Variants in PLCB1 observed in about 807,000 individuals in gnomAD.
The protein encoded by PLCB1 is phospholipase C beta 1, also known as 1-phosphatidylinositol 4,5-bisphosphate phosphodiesterase beta-1.
Under a neutral mutation model 161.8 loss-of-function variants are expected in PLCB1, and 46 were observed. The ratio of observed to expected loss-of-function variants is 0.28; its 90% confidence interval spans 0.22 to 0.36. PLCB1 has a LOEUF of 0.36. Among genes scored for constraint, PLCB1 ranks in the 10% least tolerant of loss-of-function variants. PLCB1 has a pLI of 1.00. For missense variants in PLCB1, 1,016 were observed against 1,472.5 expected (o/e 0.69, Z 5.07); for synonymous variants, 517 against 503.7 (o/e 1.03, Z -0.35).
chr20:8,155,889 C>T (rs148926960), intron 2 of PLCB1, among the ~76,000 whole-genome samples: 5 of 152,312 alleles, frequency 3.3e-5, no homozygotes, highest in East Asian at 1.9e-4. Context: ...GCAAAATTCA[C>T]GTGAGGATTG....
At chr20:8,641,460 A>G (rs537452710) in intron 4 of PLCB1, among the ~76,000 whole-genome samples, 77 of 152,386 alleles carry the variant, frequency 5.1e-4, no homozygotes, top group African/African-American at 1.8e-3. Flanking sequence ...AGGCAGAACT[A>G]TGAGATCCCA....
At chr20:8,218,229 T>C (rs961636237) in intron 2 of PLCB1, among the ~76,000 whole-genome samples, 13 of 152,150 alleles carry the variant, frequency 8.5e-5, no homozygotes, top group Non-Finnish European at 1.5e-4. Flanking sequence ...GTATGGTTTC[T>C]AAAAGGGCAG....
chr20:8,440,452 TG>T (rs1367712945), intron 3 of PLCB1, among the ~76,000 whole-genome samples: 2 of 152,176 alleles, frequency 1.3e-5, no homozygotes, highest in African/African-American at 4.8e-5. Context: ...GGGTCCCCAG[TG>T]ATTCCCTGTG....
intron 4 of PLCB1, 194 bp downstream of exon 4, chr20:8,628,625 G>A (rs777594843): frequency 2.0e-5 from 12 of 587,642 alleles, no homozygotes; most frequent in Middle Eastern, 4.7e-4. Flanking sequence ...GAATTATGGA[G>A]ATTTTTTTCA....
At chr20:8,556,901 A>C (rs1197716850) in intron 3 of PLCB1, among the ~76,000 whole-genome samples, 1 of 151,524 alleles carries the variant, frequency 6.6e-6, no homozygotes, top group Non-Finnish European at 1.5e-5. Context: ...AACATCAGTA[A>C]TCCCTCAGGA....
intron 31 of PLCB1, among the ~76,000 whole-genome samples, chr20:8,804,020 C>T (rs1251721168): frequency 4.6e-5 from 7 of 151,932 alleles, no homozygotes; most frequent in South Asian, 2.1e-4. Flanking sequence ...CTCTAACTCC[C>T]GACCTCAGGT....
chr20:8,241,636 C>A (rs1342529980), intron 2 of PLCB1, among the ~76,000 whole-genome samples: 1 of 151,926 alleles, frequency 6.6e-6, no homozygotes, highest in Non-Finnish European at 1.5e-5. Context: ...ACAAGACTTA[C>A]AACCCATGTT....
intron 1 of PLCB1, among the ~76,000 whole-genome samples, chr20:8,135,831 G>A (rs192517923): frequency 6.3e-4 from 96 of 152,184 alleles, no homozygotes; most frequent in Non-Finnish European, 1.3e-3. Flanking sequence ...GGTAGGAGGT[G>A]GGTGTAAAGG....
intron 9 of PLCB1, among the ~76,000 whole-genome samples, chr20:8,682,879 T>C (rs1218836708): frequency 6.6e-6 from 1 of 152,116 alleles, no homozygotes; most frequent in African/African-American, 2.4e-5. Flanking sequence ...AAATTCTATT[T>C]CTGGGAATTC....
chr20:8,337,283 G>T (rs1985617280), intron 2 of PLCB1, among the ~76,000 whole-genome samples: 1 of 152,176 alleles, frequency 6.6e-6, no homozygotes. Flanking sequence ...ATTGGTGAAA[G>T]TCACCCAGTT....
intron 25 of PLCB1, among the ~76,000 whole-genome samples, chr20:8,763,602 GT>G (rs948709735): frequency 1.3e-5 from 2 of 151,918 alleles, no homozygotes; most frequent in African/African-American, 4.8e-5. Flanking sequence ...GGCCAGGCTG[GT>G]CTCGAACTCC....
chr20:8,548,979 G>A (rs564504376), intron 3 of PLCB1, among the ~76,000 whole-genome samples: 1 of 152,190 alleles, frequency 6.6e-6, no homozygotes, highest in African/African-American at 2.4e-5. Context: ...AATCCCTGAA[G>A]ACTGAAAGAA....
chr20:8,821,088 T>C (rs6039286), intron 31 of PLCB1, among the ~76,000 whole-genome samples: 4,029 of 152,270 alleles, frequency 0.026, 168 homozygotes, highest in African/African-American at 0.092. Context: ...CAATGTTCTT[T>C]ATATCTTATG....
intron 11 of PLCB1, among the ~76,000 whole-genome samples, chr20:8,703,971 C>T (rs1052460179): frequency 1.3e-5 from 2 of 152,158 alleles, no homozygotes; most frequent in East Asian, 1.9e-4. Flanking sequence ...GCCGAAATAC[C>T]AATGAGGTGA....
intron 2 of PLCB1, among the ~76,000 whole-genome samples, chr20:8,239,490 C>T (rs1335796568): frequency 6.6e-6 from 1 of 151,670 alleles, no homozygotes; most frequent in Non-Finnish European, 1.5e-5. Context: ...GAGAGAGTAC[C>T]AAATGCAGTT....
At chr20:8,324,447 A>G (rs1298538358) in intron 2 of PLCB1, among the ~76,000 whole-genome samples, 3 of 152,208 alleles carry the variant, frequency 2.0e-5, no homozygotes, top group Admixed American at 6.5e-5. Flanking sequence ...GGCAATAATC[A>G]CATAGTTGAT....
At chr20:8,784,475 A>T (rs1027299582) in intron 27 of PLCB1, among the ~76,000 whole-genome samples, 4 of 152,010 alleles carry the variant, frequency 2.6e-5, no homozygotes, top group African/African-American at 7.3e-5. Flanking sequence ...AGGCACTACA[A>T]TCCCTTGAAT....
chr20:8,771,038 G>A (rs1982650903), intron 26 of PLCB1, among the ~76,000 whole-genome samples: 1 of 152,134 alleles, frequency 6.6e-6, no homozygotes, highest in South Asian at 2.1e-4. Context: ...CAACACACAT[G>A]CGTAGACTAA....
At chr20:8,533,082 C>T (rs1250735628) in intron 3 of PLCB1, among the ~76,000 whole-genome samples, 1 of 144,586 alleles carries the variant, frequency 6.9e-6, no homozygotes, top group African/African-American at 2.6e-5. Flanking sequence ...TCTCATTGTT[C>T]AATTCCCACC....
Sources: allele counts gnomAD v4.1 joint callset (sites outside exome capture counted in the v4.1 genomes callset), GRCh38; gene constraint gnomAD v4.1.1; transcripts MANE v1.5; gene names NCBI Gene and HGNC (gene_info 2026-07-23, HGNC 2026-07-21).